The following DIS3L2 variants were observed in gnomAD, a reference collection of about 807,000 sequenced individuals.
DIS3L2 encodes DIS3-like exonuclease 2.
Under a neutral mutation model 97.5 loss-of-function variants are expected in DIS3L2, and 34 were observed. The ratio of observed to expected loss-of-function variants is 0.35; its 90% CI spans 0.27 to 0.46. The LOEUF is 0.46. Ranked by LOEUF, DIS3L2 falls within the 20% of genes least tolerant of loss-of-function variation. DIS3L2 has a pLI of 1.00. For missense variants in DIS3L2, 1,038 were observed against 1,146.0 expected, an observed-to-expected ratio of 0.91 and a Z score of 1.36; for synonymous variants, 435 against 445.2, an observed-to-expected ratio of 0.98 and a Z score of 0.29.
intron 10 of DIS3L2, among the ~76,000 whole-genome samples, chr2:232,222,626 A>G (rs1207920545): frequency 6.6e-6 from 1 of 152,084 alleles, no homozygotes; most frequent in Non-Finnish European, 1.5e-5. Flanking sequence ...ACCTGCCACC[A>G]CATCCAGCTA....
At chr2:232,181,686 T>C (rs1340017652) in intron 9 of DIS3L2, among the ~76,000 whole-genome samples, 1 of 152,190 alleles carries the variant, frequency 6.6e-6, no homozygotes, top group Admixed American at 6.5e-5. Context: ...TCACTCATGC[T>C]GGAGTGCAGT....
chr2:232,343,106 C>G, intron 13 of DIS3L2: 2 of 503,028 alleles, frequency 4.0e-6, no homozygotes, highest in Non-Finnish European at 7.2e-6. Context: ...GCCGCCTACC[C>G]TGGGGTCTTC....
At chr2:232,287,118 G>T (rs946571570) in intron 13 of DIS3L2, among the ~76,000 whole-genome samples, 2 of 152,178 alleles carry the variant, frequency 1.3e-5, no homozygotes, top group Non-Finnish European at 2.9e-5. Context: ...GAGATCCTCT[G>T]TCTGTCCCCT....
chr2:232,029,067 C>G (rs934595879), intron 4 of DIS3L2, among the ~76,000 whole-genome samples: 1 of 152,112 alleles, frequency 6.6e-6, no homozygotes, highest in African/African-American at 2.4e-5. Context: ...TAATCACCTT[C>G]AGTCCATTGA....
chr2:232,011,748 C>T (rs977870374), intron 1 of DIS3L2, among the ~76,000 whole-genome samples: 2 of 152,188 alleles, frequency 1.3e-5, no homozygotes, highest in African/African-American at 4.8e-5. Flanking sequence ...CTCCTGGGTT[C>T]AAGCAATTCT....
At chr2:232,046,135 C>T (rs1474488251) in intron 5 of DIS3L2, among the ~76,000 whole-genome samples, 1 of 152,136 alleles carries the variant, frequency 6.6e-6, no homozygotes, top group African/African-American at 2.4e-5. Flanking sequence ...AATTATGATG[C>T]ACTATCTTCA....
At chr2:232,046,663 C>CGGG (rs1695252409) in intron 5 of DIS3L2, among the ~76,000 whole-genome samples, 1 of 152,114 alleles carries the variant, frequency 6.6e-6, no homozygotes, top group Non-Finnish European at 1.5e-5. Flanking sequence ...CCAGTTAGGT[C>CGGG]TAACAATTGA....
intron 6 of DIS3L2, among the ~76,000 whole-genome samples, chr2:232,101,481 A>G (rs1697203543): frequency 6.6e-6 from 1 of 152,192 alleles, no homozygotes; most frequent in Admixed American, 6.5e-5. Flanking sequence ...AACATTTACA[A>G]TGTGCTAGGC....
intron 5 of DIS3L2, 41 bp downstream of exon 5, chr2:232,030,121 G>A (rs1417837738): frequency 1.3e-6 from 2 of 1,559,602 alleles, no homozygotes; most frequent in Non-Finnish European, 1.8e-6. Context: ...ATTTCTTAGG[G>A]TCTTTCACAT....
chr2:232,130,296 T>C lies in DIS3L2; in HGVS notation c.602-323T>C, dbSNP rs547331184. Among the ~76,000 whole-genome samples, 26 of 152,328 alleles carry C rather than the reference T, an allele frequency of 1.7e-4. No individual in the cohort carries two copies. In the South Asian group the frequency reaches 2.3e-3, roughly 13 times the overall value. The stretch of plus-strand genomic sequence containing the variant: ...TTCTTCATTTTGGGCTGGGGCAGCA[T>C]TTAACATCTAGTTTTTTGGAATTTC... On this transcript the variant is annotated intron_variant, in intron 6 of 20. Transcript: ENST00000325385.
chr2:232,078,290 C>T (rs149122025), intron 5 of DIS3L2, among the ~76,000 whole-genome samples: 376 of 152,260 alleles, frequency 2.5e-3, no homozygotes, highest in African/African-American at 8.5e-3. Context: ...GTCATCCACC[C>T]GCCTTGGCCT....
At chr2:231,969,586 C>T (rs1692834064) in intron 1 of DIS3L2, among the ~76,000 whole-genome samples, 1 of 152,218 alleles carries the variant, frequency 6.6e-6, no homozygotes, top group African/African-American at 2.4e-5. Context: ...GCTGGGATTA[C>T]AGGCGTGAAC....
At chr2:232,227,519 C>T (rs1692681839) in intron 10 of DIS3L2, among the ~76,000 whole-genome samples, 2 of 152,242 alleles carry the variant, frequency 1.3e-5, no homozygotes, top group Admixed American at 6.5e-5. Flanking sequence ...GGTGGATTCT[C>T]ATACCACAGG....
intron 14 of DIS3L2, among the ~76,000 whole-genome samples, chr2:232,324,816 A>T (rs1342810707): frequency 6.6e-6 from 1 of 152,202 alleles, no homozygotes; most frequent in African/African-American, 2.4e-5. Context: ...CCTGTTTTAC[A>T]GGGAAACAAA....
exon 14 of DIS3L2, chr2:232,344,027 G>T (rs2106364389): frequency 6.2e-6 from 1 of 160,562 alleles, no homozygotes; most frequent in African/African-American, 2.4e-5. Context: ...TCGTCATCTG[G>T]TGTACTGTAG....
At chr2:232,024,587 C>T (rs1194509061) in intron 4 of DIS3L2, among the ~76,000 whole-genome samples, 2 of 152,210 alleles carry the variant, frequency 1.3e-5, no homozygotes, top group African/African-American at 4.8e-5. Flanking sequence ...CCCAGGCAGA[C>T]TACCCACCAG....
chr2:232,176,793 AT>A (rs1267084614), intron 9 of DIS3L2, among the ~76,000 whole-genome samples: 17 of 148,564 alleles, frequency 1.1e-4, no homozygotes. Flanking sequence ...TAATTAATTA[AT>A]TTATTATTAT....
At chr2:231,978,005 A>G (rs766741901) in intron 1 of DIS3L2, among the ~76,000 whole-genome samples, 3 of 152,202 alleles carry the variant, frequency 2.0e-5, no homozygotes, top group Admixed American at 1.3e-4. Flanking sequence ...AGAAGAAAAG[A>G]TGAAAATCGA....
intron 5 of DIS3L2, among the ~76,000 whole-genome samples, chr2:232,061,917 G>T (rs1695719849): frequency 6.6e-6 from 1 of 152,056 alleles, no homozygotes; most frequent in Non-Finnish European, 1.5e-5. Context: ...ACCACACTTG[G>T]GCCCAAACAA....
Sources: allele counts gnomAD v4.1 joint callset (sites outside exome capture counted in the v4.1 genomes callset), GRCh38; gene constraint gnomAD v4.1.1; transcripts MANE v1.5; gene names NCBI Gene and HGNC (gene_info 2026-07-23, HGNC 2026-07-21).